The following MKLN1 variants were observed in gnomAD, a reference collection of about 807,000 sequenced individuals.
The protein encoded by MKLN1 is muskelin 1.
MKLN1 carries 18 observed loss-of-function variants against 99.0 expected under a neutral mutation model. The ratio of observed to expected loss-of-function variants is 0.18; its 90% CI spans 0.13 to 0.27. The LOEUF is 0.27. Among genes scored for constraint, MKLN1 ranks in the 10% least tolerant of loss-of-function variants. The probability of loss-of-function intolerance (pLI) is 1.00; values close to 1 mark genes in which losing one functional copy is unlikely to be tolerated. For synonymous variants in MKLN1, 288 were observed against 293.2 expected, an observed-to-expected ratio of 0.98 and a Z score of 0.18; for missense variants, 621 against 875.9, an observed-to-expected ratio of 0.71 and a Z score of 3.67.
intron 2 of MKLN1, among the ~76,000 whole-genome samples, chr7:131,184,561 G>T (rs1386708227): frequency 6.6e-6 from 1 of 151,362 alleles, no homozygotes; most frequent in Non-Finnish European, 1.5e-5. Context: ...TTTCGTTCTT[G>T]TTGCCCAGGC....
chr7:131,242,647 C>G (rs923943434), intron 3 of MKLN1: 2 of 571,958 alleles, frequency 3.5e-6, no homozygotes, highest in East Asian at 3.7e-5. Context: ...GGATGCTATT[C>G]TGGATGCAAA....
intron 1 of MKLN1, among the ~76,000 whole-genome samples, chr7:131,340,603 A>G (rs1799381388): frequency 6.6e-6 from 1 of 152,158 alleles, no homozygotes; most frequent in African/African-American, 2.4e-5. Context: ...ATTAAAATGT[A>G]TAATTACTTG....
intron 3 of MKLN1, among the ~76,000 whole-genome samples, chr7:131,281,760 C>T (rs1213690052): frequency 6.6e-6 from 1 of 151,902 alleles, no homozygotes; most frequent in Non-Finnish European, 1.5e-5. Context: ...TAGCTCACTG[C>T]AACCTCCAAC....
chr7:131,384,980 G>T (rs1793965466), intron 2 of MKLN1, among the ~76,000 whole-genome samples: 2 of 152,306 alleles, frequency 1.3e-5, no homozygotes, highest in East Asian at 3.9e-4. Flanking sequence ...CCTCCATCTA[G>T]TTCCAAAATA....
chr7:131,410,003 A>G (rs183345448), intron 6 of MKLN1, among the ~76,000 whole-genome samples: 20 of 152,284 alleles, frequency 1.3e-4, no homozygotes, highest in African/African-American at 4.6e-4. Context: ...CTTTAGAAGT[A>G]AGGAAAAATT....
At chr7:131,344,884 C>T (rs1799509614) in intron 1 of MKLN1, among the ~76,000 whole-genome samples, 1 of 152,180 alleles carries the variant, frequency 6.6e-6, no homozygotes, top group East Asian at 1.9e-4. Context: ...TCACTGCAGC[C>T]TCCACCTCCT....
At position 131,487,831 on chromosome 7, in the gene MKLN1, G is replaced by C; in HGVS notation, c.*103G>C. The C allele has an allele frequency of 7.2e-7, 1 of 1,384,172 alleles. No individual in the cohort carries two copies. The highest frequency in any genetic ancestry group is 9.8e-7 in the Non-Finnish European group (1 of 1,016,644). 85.7% of individuals were successfully genotyped at this position (1,384,172 alleles called of 1,614,324 possible). On this transcript the variant is annotated 3_prime_UTR_variant, in exon 18 of 18. Transcript: ENST00000352689. The surrounding 1 kb of genome is among the most constrained non-coding windows in gnomAD (Gnocchi z 4.7). The stretch of plus-strand genomic sequence containing the variant: ...AGTAAAGCTGCAGTGATTGAGGACT[G>C]CACCAGAGTTCTGAAGGGATCTTAA...
intron 3 of MKLN1, among the ~76,000 whole-genome samples, chr7:131,234,063 T>C (rs1196262600): frequency 6.6e-6 from 1 of 152,166 alleles, no homozygotes; most frequent in East Asian, 1.9e-4. Context: ...CACTGCAACC[T>C]CCACTTCCCG....
rs1035230106 is a variant in MKLN1, at chr7:131,443,624, A to G, written c.1317A>G (p.Lys439=). The change falls in exon 11 of 18, where the codon AAA becomes AAG. Residue 439 remains lysine (K), a synonymous_variant. Coordinates refer to ENST00000352689, the MANE Select transcript of MKLN1 (RefSeq NM_013255.5). ...FAFNCQCQTW[K]LLREDSCNAG... is the part of the protein sequence containing the mutation. Reference sequence around the variant, plus strand: ...TCAACTGTCAATGTCAAACCTGGAAACTTCTTCGAGAGGACTCCTGTAATG... The same window carrying G: ...TCAACTGTCAATGTCAAACCTGGAAGCTTCTTCGAGAGGACTCCTGTAATG... The G allele has an allele frequency of 5.0e-6, 8 of 1,614,030 alleles. No individual in the cohort carries two copies. The highest frequency in any genetic ancestry group is 6.8e-6 in the Non-Finnish European group (8 of 1,180,008).
chr7:131,164,369 C>A (rs190067295), intron 2 of MKLN1, among the ~76,000 whole-genome samples: 1 of 152,174 alleles, frequency 6.6e-6, no homozygotes, highest in Non-Finnish European at 1.5e-5. Flanking sequence ...CCTGCCTTGG[C>A]CTCCCAAAGT....
chr7:131,365,877 C>T (rs978974006), intron 1 of MKLN1, among the ~76,000 whole-genome samples: 5 of 152,010 alleles, frequency 3.3e-5, no homozygotes, highest in Non-Finnish European at 5.9e-5. Flanking sequence ...TGTTCTGATA[C>T]GGTATTACCC....
At chr7:131,364,506 A>G (rs193144541) in intron 1 of MKLN1, among the ~76,000 whole-genome samples, 97 of 151,688 alleles carry the variant, frequency 6.4e-4, no homozygotes, top group Admixed American at 2.2e-3. Flanking sequence ...GGTTCAGGGC[A>G]TACGTGAAGG....
In MKLN1 at chr7:131,198,669, G is replaced by C. The variant is rs574800475; in HGVS notation, c.-296-4188G>C. 7.9e-5 allele frequency among the ~76,000 whole-genome samples: 12 copies of C among 152,252 alleles called. No homozygotes were observed. The South Asian group carries it at 2.5e-3, about 32-fold the overall frequency. The stretch of plus-strand genomic sequence containing the variant: ...AAAAGCAAATTTTGAAAATTACTTA[G>C]CTAATAGAAAAGGTAGAAGACTGTG... On this transcript the variant is annotated intron_variant, in intron 2 of 7. Transcript: ENST00000416992.
chr7:131,463,129 AAAAG>A lies in MKLN1; in HGVS notation c.1526-80_1526-77del, dbSNP rs1796564549. 36 of 1,197,272 alleles carry A rather than the reference AAAAG, an allele frequency of 3.0e-5. No individual in the cohort carries two copies. In the East Asian group the frequency reaches 8.7e-4, roughly 29 times the overall value. The allele number at this position is 1,197,272 out of a possible 1,614,324, so 74.2% of individuals were successfully genotyped here. Reference sequence around the variant, plus strand: ...ACAGAGTGAAATGCTGTTCTTTAAAAAAAGAAAGAAAAGAAAGGAAGGAAGGAAG... The same window carrying A: ...ACAGAGTGAAATGCTGTTCTTTAAAAAAAGAAAAGAAAGGAAGGAAGGAAG... On this transcript the variant is annotated intron_variant, in intron 12 of 17. Transcript: ENST00000352689.
chr7:131,194,252 A>G (rs187714019), intron 2 of MKLN1, among the ~76,000 whole-genome samples: 4 of 152,204 alleles, frequency 2.6e-5, no homozygotes, highest in Admixed American at 1.3e-4. Context: ...ATCATACCCA[A>G]AGGAAACCCC....
chr7:131,425,649 A>G (rs1795337574), intron 8 of MKLN1, among the ~76,000 whole-genome samples: 1 of 152,208 alleles, frequency 6.6e-6, no homozygotes, highest in Non-Finnish European at 1.5e-5. Context: ...ACTATAGCCT[A>G]TATCCCATTC....
intron 1 of MKLN1, among the ~76,000 whole-genome samples, chr7:131,123,031 A>AAAG (rs1795400034): frequency 7.5e-6 from 1 of 133,680 alleles, no homozygotes; most frequent in South Asian, 2.5e-4. Context: ...TCAAAAAAAA[A>AAAG]AAAAAAAAAA....
intron 6 of MKLN1, among the ~76,000 whole-genome samples, chr7:131,405,176 T>G (rs1039192322): frequency 2.0e-5 from 3 of 152,198 alleles, no homozygotes; most frequent in African/African-American, 7.2e-5. Flanking sequence ...GTTTGTTTAG[T>G]GTTTGCAGGA....
chr7:131,178,377 T>C (rs1796332556), intron 2 of MKLN1, among the ~76,000 whole-genome samples: 1 of 147,294 alleles, frequency 6.8e-6, no homozygotes, highest in East Asian at 2.0e-4. Context: ...CCTCAGGTGA[T>C]CCACCTGCCT....
Sources: gnomAD v4.1 joint callset for allele counts (sites outside exome capture counted in the v4.1 genomes callset) on GRCh38, gnomAD v4.1.1 for gene constraint, Gnocchi (gnomAD v3.1) non-coding constraint, MANE v1.5 for transcripts, NCBI Gene and HGNC (gene_info 2026-07-23, HGNC 2026-07-21) for gene names.